The following ACE variants were observed in gnomAD, a reference collection of about 807,000 sequenced individuals.
ACE encodes angiotensin-converting enzyme.
A neutral mutation model predicts 162.3 loss-of-function variants in ACE; 122 were observed. The ratio of observed to expected loss-of-function variants is 0.75; its 90% CI spans 0.65 to 0.87. The LOEUF (loss-of-function observed/expected upper bound fraction) is 0.87, where lower values mean the gene tolerates loss of function less well. ACE is among the 40% of genes least tolerant of loss of function. The pLI, the probability that ACE is intolerant of heterozygous loss-of-function variation, is 0.00. For missense variants in ACE, 1,799 were observed against 1,735.1 expected (o/e 1.04, Z -0.65); for synonymous variants, 796 against 720.6 (o/e 1.10, Z -1.68).
rs12720745 is a variant in ACE, at chr17:63,497,314, G to A, written c.3869G>A (p.Arg1290Gln). Residue 1290 changes from arginine (R) to glutamine (Q), a missense_variant, in exon 25 of 25, where the codon CGG becomes CAG. By Grantham distance (43) the Arg-to-Gln change is conservative. Transcript: ENST00000290866. ...AGCATCCGCCACCGCAGCCTCCACC[G>A]GCACTCCCACGGGCCCCAGTTCGGC... The part of the protein sequence containing the change: ...LFSIRHRSLH[R>Q]HSHGPQFGSE... The A allele has an allele frequency of 1.1e-3, 1,749 of 1,549,406 alleles. 17 individuals are homozygous for A. The African/African-American group carries it at 0.02, about 18-fold the overall frequency.
At chr17:63,487,728 T>TC (rs2030060853) in intron 15 of ACE, among the ~76,000 whole-genome samples, 1 of 152,054 alleles carries the variant, frequency 6.6e-6, no homozygotes, top group Admixed American at 6.6e-5. Flanking sequence ...CAGCTCCCTC[T>TC]CAACCCACCC....
In ACE at chr17:63,497,139, C is replaced by T. The variant is rs750545791; in HGVS notation, c.3694C>T (p.Arg1232Cys). 8.7e-6 allele frequency: 14 copies of T among 1,603,438 alleles called. No homozygotes were observed. Among genetic ancestry groups the T allele is most frequent in the South Asian group, 1.1e-5 (1 of 90,556 alleles). ...CTGTCTCCTTGCTTCCCGCTCAGCT[C>T]GCTCAGAAGGGCCCCTCCCAGACAG... ...PQYNWTPNSARSEGPLPDSGR... is the reference protein window; with the variant it reads ...PQYNWTPNSACSEGPLPDSGR... Residue 1232 changes from arginine (R) to cysteine (C), a missense_variant and splice_region_variant, in exon 25 of 25, where the codon CGC becomes TGC. Arg to Cys is a radical substitution (Grantham distance 180). Transcript: ENST00000290866.
At chr17:63,493,837 A>T in intron 20 of ACE, 85 bp from the exon 21 acceptor site, 1 of 1,596,390 alleles carries the variant, frequency 6.3e-7, no homozygotes, top group Non-Finnish European at 8.6e-7. Flanking sequence ...AAGGTACAGC[A>T]CCCCCACCCC....
chr17:63,491,180 A>G lies in ACE; in HGVS notation c.2740-29A>G. The G allele has an allele frequency of 3.1e-6, 5 of 1,613,600 alleles. No individual in the cohort carries two copies. Among genetic ancestry groups the G allele is most frequent in the Non-Finnish European group, 4.2e-6 (5 of 1,179,968 alleles). ...CACGCAGTCTGTCCCCGGAACCCCCAGTTTGGGCAGAACTCCCTCTGCTTG... is the reference window on the plus strand; with the variant it reads ...CACGCAGTCTGTCCCCGGAACCCCCGGTTTGGGCAGAACTCCCTCTGCTTG... On this transcript the variant is annotated intron_variant, in intron 18 of 24. Coordinates refer to ENST00000290866, the MANE Select transcript of ACE (RefSeq NM_000789.4). This position sits in a 1 kb window ranked among gnomAD's most constrained non-coding sequence, Gnocchi z 4.4.
chr17:63,480,539 G>A lies in ACE; in HGVS notation c.847+11G>A, dbSNP rs1255505393. On this transcript the variant is annotated intron_variant, in intron 5 of 24. Coordinates refer to ENST00000290866, the MANE Select transcript of ACE (RefSeq NM_000789.4). Reference sequence around the variant, plus strand: ...CTGCTCATCTGCTGGGTAAGGACCTGGCCTCGCCTCCACATGAGTCCCACG... The same window carrying A: ...CTGCTCATCTGCTGGGTAAGGACCTAGCCTCGCCTCCACATGAGTCCCACG... The A allele has an allele frequency of 2.5e-6, 4 of 1,613,326 alleles. No homozygotes were observed. Among genetic ancestry groups the A allele is most frequent in the Admixed American group, 1.7e-5 (1 of 60,032 alleles).
chr17:63,492,239 G>A (rs1287164777), intron 19 of ACE, among the ~76,000 whole-genome samples: 2 of 152,194 alleles, frequency 1.3e-5, no homozygotes, highest in Non-Finnish European at 2.9e-5. Context: ...AACTACTGAC[G>A]CAGCCAGTTC....
chr17:63,496,261 T>G (rs1364605207), intron 22 of ACE, 133 bp from the exon 23 acceptor site: 1 of 1,344,104 alleles, frequency 7.4e-7, no homozygotes, highest in Non-Finnish European at 1.1e-6. Context: ...GTGGGCAGAG[T>G]TGGGGGGCCT....
In ACE at chr17:63,481,305, G is replaced by A. The variant is rs1039403646; in HGVS notation, c.945+117G>A. The A allele has an allele frequency of 3.0e-6, 3 of 1,015,700 alleles. No individual in the cohort carries two copies. In the African/African-American group the frequency reaches 4.8e-5, roughly 16 times the overall value. 62.9% of individuals were successfully genotyped at this position (1,015,700 alleles called of 1,614,324 possible). A position where few individuals can be genotyped will look rare whatever the true frequency, so the allele number is the denominator to read the frequency against. ...CGGGTACTGAGCAGCAGCCTGGTGT[G>A]TCTGTAGGAGCAGTGAGCTGGGGTC... On this transcript the variant is annotated intron_variant, in intron 6 of 24. Transcript: ENST00000290866.
chr17:63,484,764 C>A lies in ACE; in HGVS notation c.1921+223C>A, dbSNP rs2029864396. The A allele has an allele frequency of 2.0e-6, 3 of 1,472,432 alleles. No homozygotes were observed. The Admixed American group carries it at 6.9e-5, about 34-fold the overall frequency. The allele number at this position is 1,472,432 out of a possible 1,614,324, so 91.2% of individuals were successfully genotyped here. A position where few individuals can be genotyped will look rare whatever the true frequency, so the allele number is the denominator to read the frequency against. Reference sequence around the variant, plus strand: ...GTGTGCTCAGACCTGAGGGCCCCTCCCCTTCCAGAGGAAGCCAGACACAAG... The same window carrying A: ...GTGTGCTCAGACCTGAGGGCCCCTCACCTTCCAGAGGAAGCCAGACACAAG... On this transcript the variant is annotated intron_variant, in intron 12 of 24. Transcript: ENST00000290866. This position sits in a 1 kb window ranked among gnomAD's most constrained non-coding sequence, Gnocchi z 4.0.
chr17:63,479,454 C>A (rs1003745869), intron 3 of ACE, among the ~76,000 whole-genome samples: 1 of 152,194 alleles, frequency 6.6e-6, no homozygotes, highest in South Asian at 2.1e-4. Flanking sequence ...CCGCTCCAGC[C>A]CCCTTTATGA....
intron 13 of ACE, 187 bp from the exon 14 acceptor site, chr17:63,486,370 G>C: frequency 3.0e-6 from 2 of 660,556 alleles, no homozygotes; most frequent in Non-Finnish European, 5.4e-6. Flanking sequence ...CATCCAGGGA[G>C]GGTGAGTACT....
Position 63,480,503 on chromosome 17 carries a change from G to C in ACE, c.822G>C (p.Arg274Ser). 6.2e-7 allele frequency: 1 copy of C among 1,613,904 alleles called. No homozygotes were observed. The change falls in exon 5 of 25, where the codon AGG becomes AGC. Residue 274 changes from arginine to serine, a missense_variant. By Grantham distance (110) the Arg-to-Ser change is moderately radical. Transcript: ENST00000290866. ...RRYGDRYINL[R>S]GPIPAHLLGD... ...ACGGAGACAGATACATCAACCTCAGGGGACCCATCCCTGCTCATCTGCTGG... is the reference window on the plus strand; with the variant it reads ...ACGGAGACAGATACATCAACCTCAGCGGACCCATCCCTGCTCATCTGCTGG...
Position 63,486,704 on chromosome 17 carries a change from G to A in ACE, c.2206G>A (p.Glu736Lys). ...DLERAALPAQELEEYNKILLD... is the reference protein window; with the variant it reads ...DLERAALPAQKLEEYNKILLD... Reference sequence around the variant, plus strand: ...AGAACGGGCAGCACTGCCTGCCCAGGAGCTGGAGGAGGTGTGTGGCTCGCA... The same window carrying A: ...AGAACGGGCAGCACTGCCTGCCCAGAAGCTGGAGGAGGTGTGTGGCTCGCA... The change falls in exon 14 of 25, where the codon GAG becomes AAG. Residue 736 changes from glutamate to lysine, a missense_variant. By Grantham distance (56) the Glu-to-Lys change is moderately conservative. Transcript: ENST00000290866. 6.2e-7 allele frequency: 1 copy of A among 1,614,208 alleles called. No homozygotes were observed. The highest frequency in any genetic ancestry group is 8.5e-7 in the Non-Finnish European group (1 of 1,180,036).
intron 8 of ACE, 139 bp from the exon 9 acceptor site, chr17:63,482,890 G>A (rs2049734738): frequency 3.6e-6 from 4 of 1,119,604 alleles, no homozygotes; most frequent in Non-Finnish European, 5.4e-6. Flanking sequence ...TCCAAGCAGG[G>A]CCCAGGGTCT....
At position 63,484,036 on chromosome 17, in the gene ACE, G is replaced by T; in HGVS notation, c.1709+65G>T. ...GAGCGGCTGGCAAAGGGTGTGGCAGGAGGTGTCTGGCTGCTCTGATGGGGT... is the reference window on the plus strand; with the variant it reads ...GAGCGGCTGGCAAAGGGTGTGGCAGTAGGTGTCTGGCTGCTCTGATGGGGT... On this transcript the variant is annotated intron_variant, in intron 11 of 24. Coordinates refer to ENST00000290866, the MANE Select transcript of ACE (RefSeq NM_000789.4). The surrounding 1 kb of genome is among the most constrained non-coding windows in gnomAD (Gnocchi z 4.0). 6.5e-7 allele frequency: 1 copy of T among 1,549,978 alleles called. No homozygotes were observed.
chr17:63,484,669 G>C lies in ACE; in HGVS notation c.1921+128G>C. The C allele has an allele frequency of 6.9e-7, 1 of 1,441,896 alleles. No individual in the cohort carries two copies. Among genetic ancestry groups the C allele is most frequent in the South Asian group, 1.4e-5 (1 of 69,834 alleles). 89.3% of individuals were successfully genotyped at this position (1,441,896 alleles called of 1,614,324 possible). ...GTACCCTGTCCTGGAGGGCCAGGCAGCCCCCCAAGCTCATCAGCAGGGCCT... is the reference window on the plus strand; with the variant it reads ...GTACCCTGTCCTGGAGGGCCAGGCACCCCCCCAAGCTCATCAGCAGGGCCT... On this transcript the variant is annotated intron_variant, in intron 12 of 24. Transcript: ENST00000290866. This position sits in a 1 kb window ranked among gnomAD's most constrained non-coding sequence, Gnocchi z 4.0.
chr17:63,497,435 C>G lies in ACE; in HGVS notation c.*69C>G. 1 of 1,365,870 alleles carries G rather than the reference C, an allele frequency of 7.3e-7. No individual in the cohort carries two copies. Among genetic ancestry groups the G allele is most frequent in the Non-Finnish European group, 1.0e-6 (1 of 986,806 alleles). 84.6% of individuals were successfully genotyped at this position (1,365,870 alleles called of 1,614,324 possible). A position where few individuals can be genotyped will look rare whatever the true frequency, so the allele number is the denominator to read the frequency against. ...AGACTGGGATGGGAACACTGGTGGG[C>G]AGCTGAGGACACACCCCACACCCCA... On this transcript the variant is annotated 3_prime_UTR_variant, in exon 25 of 25. Coordinates refer to ENST00000290866, the MANE Select transcript of ACE (RefSeq NM_000789.4).
At position 63,491,405 on chromosome 17, in the gene ACE, C is replaced by A; in HGVS notation, c.2912+24C>A. ...CGGTACATCCAGCTAGGGCTCAGGTCTCGTTCCTGAGCCCCACGGGCAAGG... is the reference window on the plus strand; with the variant it reads ...CGGTACATCCAGCTAGGGCTCAGGTATCGTTCCTGAGCCCCACGGGCAAGG... On this transcript the variant is annotated intron_variant, in intron 19 of 24. Coordinates refer to ENST00000290866, the MANE Select transcript of ACE (RefSeq NM_000789.4). The surrounding 1 kb of genome is among the most constrained non-coding windows in gnomAD (Gnocchi z 4.4). 6.2e-7 allele frequency: 1 copy of A among 1,613,712 alleles called. No individual in the cohort carries two copies. Among genetic ancestry groups the A allele is most frequent in the South Asian group, 1.1e-5 (1 of 91,048 alleles).
rs750229908 is a variant in ACE, at chr17:63,497,336, C to T, written c.3891C>T (p.Phe1297=). Residue 1297 remains phenylalanine, a synonymous_variant, in exon 25 of 25, where the codon TTC becomes TTT. Transcript: ENST00000290866. ...SLHRHSHGPQ[F]GSEVELRHS ...ACCGGCACTCCCACGGGCCCCAGTT[C>T]GGCTCCGAGGTGGAGCTGAGACACT... 11 of 1,548,674 alleles carry T rather than the reference C, an allele frequency of 7.1e-6. No homozygotes were observed. Among genetic ancestry groups the T allele is most frequent in the African/African-American group, 5.5e-5 (4 of 73,132 alleles).
Sources: gnomAD v4.1 joint callset for allele counts (sites outside exome capture counted in the v4.1 genomes callset) on GRCh38, gnomAD v4.1.1 for gene constraint, Gnocchi (gnomAD v3.1) non-coding constraint, MANE v1.5 for transcripts, NCBI Gene and HGNC (gene_info 2026-07-23, HGNC 2026-07-21) for gene names.